Variants in QTGAL observed in about 807,000 individuals in gnomAD.
QTGAL encodes the protein queuosine-tRNA galactosyltransferase, also known as BGnT-like protein 1.
the QTGAL span, among the ~76,000 whole-genome samples, chr17:82,986,830 G>A: frequency 2.2e-4 from 34 of 152,290 alleles, no homozygotes; most frequent in South Asian, 8.3e-4. Context: ...GTAATGTTGG[G>A]GCGTATTACT....
At chr17:83,009,866 T>C in the QTGAL span, among the ~76,000 whole-genome samples, 1 of 151,530 alleles carries the variant, frequency 6.6e-6, no homozygotes, top group Admixed American at 6.5e-5. Context: ...AAGAAACCAG[T>C]TGCATTTTTG....
the QTGAL span, among the ~76,000 whole-genome samples, chr17:82,971,201 G>A: frequency 0.022 from 3,354 of 152,286 alleles, 79 homozygotes; most frequent in African/African-American, 0.057. Context: ...CTGTGCTCAC[G>A]GGACGTTTCT....
the QTGAL span, among the ~76,000 whole-genome samples, chr17:83,034,654 C>T: frequency 6.6e-6 from 1 of 152,212 alleles, no homozygotes; most frequent in Non-Finnish European, 1.5e-5. Context: ...CGTGGGAGGG[C>T]CCCGGTGGGA....
the QTGAL span, chr17:83,005,651 C>A: frequency 1.4e-6 from 1 of 704,082 alleles, no homozygotes; most frequent in South Asian, 1.5e-5. The surrounding 1 kb of genome is among the most constrained non-coding windows in gnomAD (Gnocchi z 5.6). Flanking sequence ...CTGCTCCATT[C>A]AGCTCAGGAA....
At chr17:83,020,045 T>C in the QTGAL span, among the ~76,000 whole-genome samples, 1 of 152,284 alleles carries the variant, frequency 6.6e-6, no homozygotes, top group East Asian at 1.9e-4. Context: ...AGAATAGAAC[T>C]ATTAGAACTA....
the QTGAL span, among the ~76,000 whole-genome samples, chr17:82,993,200 A>G: frequency 6.6e-6 from 1 of 152,108 alleles, no homozygotes; most frequent in Non-Finnish European, 1.5e-5. Context: ...AAAAAACAAG[A>G]CCCAATGATC....
the QTGAL span, among the ~76,000 whole-genome samples, chr17:83,044,360 T>C: frequency 6.6e-6 from 1 of 152,204 alleles, no homozygotes; most frequent in African/African-American, 2.4e-5. Context: ...TAACATACCA[T>C]CTTAACAGAT....
the QTGAL span, chr17:82,942,425 G>A: frequency 6.2e-7 from 1 of 1,613,966 alleles, no homozygotes; most frequent in Non-Finnish European, 8.5e-7. Flanking sequence ...TGACCAGCCT[G>A]AGCTTGTCTT....
At chr17:83,050,582 C>CA in the QTGAL span, among the ~76,000 whole-genome samples, 146 of 152,118 alleles carry the variant, frequency 9.6e-4, no homozygotes, top group African/African-American at 3.4e-3. Context: ...AAAAAACAAA[C>CA]AAAAAAACAA....
the QTGAL span, among the ~76,000 whole-genome samples, chr17:83,032,336 G>C: frequency 4.4e-5 from 6 of 135,100 alleles, no homozygotes; most frequent in African/African-American, 1.5e-4. Flanking sequence ...GACCGAACTC[G>C]GGAGCTGAAC....
At chr17:83,006,223 C>T in the QTGAL span, 92 of 985,784 alleles carry the variant, frequency 9.3e-5, no homozygotes, top group East Asian at 9.6e-3. This position sits in a 1 kb window ranked among gnomAD's most constrained non-coding sequence, Gnocchi z 5.8. Context: ...AGTCTCCTAA[C>T]TCTGAAGCGA....
At chr17:82,960,841 G>A in the QTGAL span, among the ~76,000 whole-genome samples, 30 of 152,362 alleles carry the variant, frequency 2.0e-4, no homozygotes, top group East Asian at 9.6e-4. Context: ...TCACCCTGGC[G>A]CTCCCTGGCG....
chr17:83,006,846 G>A, the QTGAL span: 1 of 974,028 alleles, frequency 1.0e-6, no homozygotes, highest in Non-Finnish European at 1.2e-6. This position sits in a 1 kb window ranked among gnomAD's most constrained non-coding sequence, Gnocchi z 5.8. Flanking sequence ...TGGGATAAAT[G>A]CCCAGGAGAG....
chr17:83,042,436 TTA>T, the QTGAL span, among the ~76,000 whole-genome samples: 1 of 152,220 alleles, frequency 6.6e-6, no homozygotes, highest in South Asian at 2.1e-4. Context: ...ATTTATGAAT[TTA>T]TGTTAATGTT....
chr17:82,965,502 C>T, the QTGAL span: 1 of 756,384 alleles, frequency 1.3e-6, no homozygotes, highest in Non-Finnish European at 2.1e-6. Context: ...CAGGAGGGGG[C>T]ACCGGGAGGA....
the QTGAL span, among the ~76,000 whole-genome samples, chr17:82,989,684 C>A: frequency 9.9e-5 from 15 of 152,142 alleles, no homozygotes; most frequent in East Asian, 2.9e-3. Context: ...TGATAGTGCA[C>A]CTTTGTGGAG....
At chr17:82,971,577 AC>A in the QTGAL span, among the ~76,000 whole-genome samples, 19 of 126,422 alleles carry the variant, frequency 1.5e-4, no homozygotes, top group South Asian at 2.5e-3. Flanking sequence ...ACCACACCAC[AC>A]TCATAGGGGC....
At chr17:83,048,596 G>A in the QTGAL span, 5 of 1,608,714 alleles carry the variant, frequency 3.1e-6, no homozygotes, top group Admixed American at 5.0e-5. Flanking sequence ...TGGCAGGTCA[G>A]GAAACTTCCC....
chr17:83,029,065 G>A, the QTGAL span, among the ~76,000 whole-genome samples: 5 of 152,262 alleles, frequency 3.3e-5, no homozygotes, highest in East Asian at 1.9e-4. Flanking sequence ...AGTGGCTGCC[G>A]TGGGGACCGG....
Sources: gnomAD v4.1 joint callset for allele counts (sites outside exome capture counted in the v4.1 genomes callset) on GRCh38, gnomAD v4.1.1 for gene constraint, Gnocchi (gnomAD v3.1) non-coding constraint, MANE v1.5 for transcripts, NCBI Gene and HGNC (gene_info 2026-07-23, HGNC 2026-07-21) for gene names.